SGCZ: variants seen among roughly 807,000 people sequenced by gnomAD.
SGCZ encodes the protein sarcoglycan zeta, also known as zeta-sarcoglycan.
A neutral mutation model predicts 41.3 loss-of-function variants in SGCZ; 40 were observed. That is an observed-to-expected ratio of 0.97 (90% CI 0.75 to 1.26). The LOEUF is 1.26. Ranked by LOEUF, SGCZ falls within the 50% of genes most tolerant of loss-of-function variation. The pLI is 0.00. For synonymous variants in SGCZ, 206 were observed against 137.5 expected (o/e 1.50, Z -3.49); for missense variants, 552 against 369.8 (o/e 1.49, Z -4.04).
chr8:14,807,176 C>A (rs376531903), intron 1 of SGCZ, among the ~76,000 whole-genome samples: 1 of 151,866 alleles, frequency 6.6e-6, no homozygotes, highest in African/African-American at 2.4e-5. Context: ...GCACAAGACA[C>A]GGATGCCCTC....
At chr8:14,846,494 C>T (rs952245048) in intron 1 of SGCZ, among the ~76,000 whole-genome samples, 8 of 151,938 alleles carry the variant, frequency 5.3e-5, no homozygotes, top group African/African-American at 1.7e-4. Flanking sequence ...AGAAAAGTCA[C>T]ATCACTATAG....
chr8:14,447,354 G>A (rs891039008), intron 2 of SGCZ, among the ~76,000 whole-genome samples: 9 of 152,156 alleles, frequency 5.9e-5, no homozygotes, highest in African/African-American at 2.2e-4. Flanking sequence ...CAAATCTTGA[G>A]CCATTTTAAT....
intron 2 of SGCZ, among the ~76,000 whole-genome samples, chr8:14,545,851 A>G (rs1357288542): frequency 6.6e-6 from 1 of 151,958 alleles, no homozygotes. Flanking sequence ...CATTTCTAGT[A>G]CTCTAATGAA....
chr8:14,480,012 C>T lies in SGCZ; in HGVS notation c.234+74720G>A, dbSNP rs181193092. On this transcript the variant is annotated intron_variant, in intron 2 of 7. Transcript: ENST00000382080. ...CACCCGCCTCGGCATCCCAAAGCAC[C>T]GGGATTACGGGCGTGAGCCACGCGA... 7.3e-3 allele frequency among the ~76,000 whole-genome samples: 1,113 copies of T among 152,270 alleles called. 3 individuals carry two copies. Among genetic ancestry groups the T allele is most frequent in the Non-Finnish European group, 0.011 (762 of 68,024 alleles).
At chr8:15,085,459 G>T (rs1302039971) in intron 1 of SGCZ, among the ~76,000 whole-genome samples, 1 of 152,070 alleles carries the variant, frequency 6.6e-6, no homozygotes, top group Non-Finnish European at 1.5e-5. Context: ...TTCTTTCCAG[G>T]TTCCAAAAAT....
intron 3 of SGCZ, among the ~76,000 whole-genome samples, chr8:14,320,869 A>G (rs1355761664): frequency 6.6e-6 from 1 of 152,058 alleles, no homozygotes; most frequent in African/African-American, 2.4e-5. Context: ...TTCGTCTCAG[A>G]TAAGAGGTTC....
intron 1 of SGCZ, among the ~76,000 whole-genome samples, chr8:14,564,520 ATAT>A (rs1233277858): frequency 5.3e-5 from 8 of 152,166 alleles, no homozygotes; most frequent in Non-Finnish European, 1.2e-4. Context: ...ACATTGACAT[ATAT>A]AAAGGCAATC....
At chr8:14,305,710 T>G (rs1439495084) in intron 3 of SGCZ, among the ~76,000 whole-genome samples, 1 of 152,200 alleles carries the variant, frequency 6.6e-6, no homozygotes, top group Admixed American at 6.5e-5. Flanking sequence ...CATCGCTGTA[T>G]TTCCCTTTGC....
At chr8:14,535,276 G>A (rs1803258333) in intron 2 of SGCZ, among the ~76,000 whole-genome samples, 1 of 151,704 alleles carries the variant, frequency 6.6e-6, no homozygotes, top group Admixed American at 6.6e-5. Flanking sequence ...AGACATCTAT[G>A]TGGGCTAAAA....
At chr8:15,172,207 G>A (rs1170787984) in intron 1 of SGCZ, among the ~76,000 whole-genome samples, 2 of 117,332 alleles carry the variant, frequency 1.7e-5, no homozygotes, top group Non-Finnish European at 3.2e-5. Context: ...TGTCGCCCAG[G>A]CTGGAGCGCA....
At chr8:14,235,926 G>A (rs965632720) in intron 4 of SGCZ, among the ~76,000 whole-genome samples, 7 of 152,136 alleles carry the variant, frequency 4.6e-5, no homozygotes, top group South Asian at 4.2e-4. Flanking sequence ...CTCATGATCC[G>A]CCCGCCTTGG....
chr8:14,860,518 AAG>A (rs1339461029), intron 1 of SGCZ, among the ~76,000 whole-genome samples: 3 of 151,382 alleles, frequency 2.0e-5, no homozygotes, highest in Non-Finnish European at 1.5e-5. Flanking sequence ...ACAGAATGAA[AAG>A]AGAAAGAAGG....
chr8:14,607,317 A>G (rs1328823212), intron 1 of SGCZ, among the ~76,000 whole-genome samples: 1 of 152,120 alleles, frequency 6.6e-6, no homozygotes, highest in Non-Finnish European at 1.5e-5. Flanking sequence ...TACATTTCCA[A>G]TATTAATATT....
intron 2 of SGCZ, among the ~76,000 whole-genome samples, chr8:14,484,388 T>G (rs2117012025): frequency 6.6e-6 from 1 of 152,294 alleles, no homozygotes; most frequent in East Asian, 1.9e-4. Context: ...ACCATTGTTT[T>G]AAATAACTTT....
At chr8:14,974,953 T>G (rs912452445) in intron 1 of SGCZ, among the ~76,000 whole-genome samples, 1 of 151,806 alleles carries the variant, frequency 6.6e-6, no homozygotes, top group Non-Finnish European at 1.5e-5. Context: ...AGTAATCTGT[T>G]GGGAAAAGGG....
At chr8:15,034,669 T>C (rs78972988) in intron 1 of SGCZ, among the ~76,000 whole-genome samples, 5,982 of 152,200 alleles carry the variant, frequency 0.039, 152 homozygotes, top group Non-Finnish European at 0.057. Flanking sequence ...TATAACCAAA[T>C]GGTTGAAAGT....
At chr8:14,407,565 A>G (rs1476784315) in intron 2 of SGCZ, among the ~76,000 whole-genome samples, 1 of 152,140 alleles carries the variant, frequency 6.6e-6, no homozygotes, top group East Asian at 1.9e-4. Context: ...ATATAAATCA[A>G]AGAGGCATTC....
intron 1 of SGCZ, among the ~76,000 whole-genome samples, chr8:15,218,417 G>A (rs1174523994): frequency 1.3e-5 from 2 of 152,164 alleles, no homozygotes; most frequent in African/African-American, 4.8e-5. Flanking sequence ...CATATTTTTA[G>A]GTGTAGGCTG....
chr8:14,853,712 G>A (rs964424712), intron 1 of SGCZ, among the ~76,000 whole-genome samples: 3 of 152,204 alleles, frequency 2.0e-5, no homozygotes, highest in Admixed American at 6.5e-5. Context: ...GGGTACCATA[G>A]AAGAGCTATT....
Sources: allele counts gnomAD v4.1 joint callset (sites outside exome capture counted in the v4.1 genomes callset), GRCh38; gene constraint gnomAD v4.1.1; transcripts MANE v1.5; gene names NCBI Gene and HGNC (gene_info 2026-07-23, HGNC 2026-07-21).